The following ASAP2 variants were observed in gnomAD, a reference collection of about 807,000 sequenced individuals.
ASAP2 encodes the protein ArfGAP with SH3 domain, ankyrin repeat and PH domain 2.
ASAP2 carries 45 observed loss-of-function variants against 131.4 expected under a neutral mutation model. The observed-to-expected ratio is 0.34, with a 90% CI of 0.27 to 0.44. ASAP2 has a LOEUF of 0.44. Ranked by LOEUF, ASAP2 falls within the 20% of genes least tolerant of loss-of-function variation. The pLI is 1.00. For synonymous variants in ASAP2, 510 were observed against 503.0 expected (o/e 1.01, Z -0.19); for missense variants, 1,011 against 1,297.0 (o/e 0.78, Z 3.39).
At chr2:9,402,900 T>C (rs1409992076) in intron 27 of ASAP2, among the ~76,000 whole-genome samples, 1 of 152,210 alleles carries the variant, frequency 6.6e-6, no homozygotes, top group Non-Finnish European at 1.5e-5. Context: ...CACAAACTTG[T>C]GACACTCAGT....
intron 1 of ASAP2, among the ~76,000 whole-genome samples, chr2:9,274,514 AG>A (rs1255403124): frequency 3.3e-5 from 5 of 151,756 alleles, no homozygotes; most frequent in Non-Finnish European, 7.4e-5. Context: ...GTAGAATCGG[AG>A]TTTTACCATG....
At chr2:9,226,563 G>A (rs952477236) in intron 1 of ASAP2, among the ~76,000 whole-genome samples, 2 of 152,178 alleles carry the variant, frequency 1.3e-5, no homozygotes, top group East Asian at 1.9e-4. Context: ...TGTGGTAAAG[G>A]GGGAGTTGGG....
At position 9,327,878 on chromosome 2, in the gene ASAP2, A is replaced by C; in HGVS notation, c.653A>C (p.Gln218Pro). ...IKIKKGVDLL[Q>P]NLIKYFHAQC... is the part of the protein sequence containing the mutation. ...ATTAAAAAGGGAGTAGATTTACTTC[A>C]GAATCTGATCAAATACTTTCATGCC... Residue 218 changes from glutamine to proline, a missense_variant, in exon 7 of 28, where the codon CAG becomes CCG. Gln to Pro is a moderately conservative substitution (Grantham distance 76). Coordinates refer to ENST00000281419, the MANE Select transcript of ASAP2 (RefSeq NM_003887.3). The C allele has an allele frequency of 6.3e-7, 1 of 1,584,658 alleles. No homozygotes were observed. Among genetic ancestry groups the C allele is most frequent in the Non-Finnish European group, 8.5e-7 (1 of 1,170,296 alleles).
In ASAP2 at chr2:9,368,533, T is replaced by C; in HGVS notation, c.1556+14T>C. On this transcript the variant is annotated intron_variant, in intron 16 of 27. Coordinates refer to ENST00000281419, the MANE Select transcript of ASAP2 (RefSeq NM_003887.3). ...AGGCAGCGACATGTAAGTATGGGAC[T>C]GGCTATTCTCATTTGCTGAGTAAAG... The C allele has an allele frequency of 6.2e-7, 1 of 1,609,646 alleles. No homozygotes were observed. The highest frequency in any genetic ancestry group is 1.7e-5 in the Admixed American group (1 of 60,018).
chr2:9,236,210 G>C (rs1303541800), intron 1 of ASAP2, among the ~76,000 whole-genome samples: 1 of 152,144 alleles, frequency 6.6e-6, no homozygotes, highest in Non-Finnish European at 1.5e-5. Context: ...TGGTGGGCCT[G>C]AGTCTCTCTG....
rs1221126252 is a variant in ASAP2, at chr2:9,393,690, T to C, written c.2684+43T>C. On this transcript the variant is annotated intron_variant, in intron 24 of 27. Transcript: ENST00000281419. ...AGCTCGGCCATCCGTGCTCCTGCCC[T>C]CTGACCTCACCTGCCCAGGGCTCTG... is the stretch of plus-strand genomic sequence containing the variant. 2.6e-6 allele frequency: 4 copies of C among 1,529,256 alleles called. No homozygotes were observed. The Admixed American group carries it at 6.0e-5, about 23-fold the overall frequency. The allele number at this position is 1,529,256 out of a possible 1,614,324, so 94.7% of individuals were successfully genotyped here. A position where few individuals can be genotyped will look rare whatever the true frequency, so the allele number is the denominator to read the frequency against.
At chr2:9,344,503 T>C in intron 9 of ASAP2, 29 bp from the exon 10 acceptor site, 1 of 1,582,502 alleles carries the variant, frequency 6.3e-7, no homozygotes, top group Non-Finnish European at 8.7e-7. Context: ...CTGGACAAGA[T>C]TAAAAACACA....
chr2:9,314,403 T>C (rs540603575), intron 3 of ASAP2, among the ~76,000 whole-genome samples: 1 of 152,360 alleles, frequency 6.6e-6, no homozygotes, highest in Non-Finnish European at 1.5e-5. Context: ...TTAATAGAAC[T>C]AACATTTTAT....
At chr2:9,240,214 GTC>G (rs1244445695) in intron 1 of ASAP2, among the ~76,000 whole-genome samples, 1 of 144,294 alleles carries the variant, frequency 6.9e-6, no homozygotes, top group Non-Finnish European at 1.5e-5. Flanking sequence ...ATCACGACAT[GTC>G]TCTGTTCATG....
intron 3 of ASAP2, among the ~76,000 whole-genome samples, chr2:9,317,890 C>G (rs1027228684): frequency 6.6e-6 from 1 of 152,168 alleles, no homozygotes; most frequent in Admixed American, 6.5e-5. Context: ...CTCACATACA[C>G]CCTCATGTGC....
intron 3 of ASAP2, among the ~76,000 whole-genome samples, chr2:9,298,980 C>A (rs1261602767): frequency 6.6e-6 from 1 of 152,076 alleles, no homozygotes; most frequent in African/African-American, 2.4e-5. Context: ...CATTAAAAAT[C>A]CAACAGGAAG....
At chr2:9,344,237 A>AG (rs2148603566) in intron 9 of ASAP2, among the ~76,000 whole-genome samples, 1 of 151,612 alleles carries the variant, frequency 6.6e-6, no homozygotes, top group Non-Finnish European at 1.5e-5. Context: ...TGTCACTGTC[A>AG]GGGGGTTAAG....
At chr2:9,288,193 A>G (rs948717738) in intron 2 of ASAP2, among the ~76,000 whole-genome samples, 16 of 152,134 alleles carry the variant, frequency 1.1e-4, no homozygotes, top group African/African-American at 3.9e-4. Context: ...CGCAAACCCA[A>G]CCTACCAAGC....
At chr2:9,243,182 C>T (rs1156361360) in intron 1 of ASAP2, among the ~76,000 whole-genome samples, 1 of 152,174 alleles carries the variant, frequency 6.6e-6, no homozygotes, top group African/African-American at 2.4e-5. Context: ...AACCTCAGCT[C>T]ACTGCAAGCT....
intron 9 of ASAP2, among the ~76,000 whole-genome samples, chr2:9,342,098 C>G (rs1172756157): frequency 6.6e-6 from 1 of 152,198 alleles, no homozygotes; most frequent in Admixed American, 6.5e-5. Context: ...CCTAATTGAT[C>G]TACACATTCA....
intron 3 of ASAP2, among the ~76,000 whole-genome samples, chr2:9,298,598 C>T (rs1044926410): frequency 2.0e-5 from 3 of 152,254 alleles, no homozygotes; most frequent in African/African-American, 7.2e-5. Flanking sequence ...CGCCCTGCCT[C>T]AGCCCCATGC....
intron 1 of ASAP2, among the ~76,000 whole-genome samples, chr2:9,225,872 G>C (rs1190488561): frequency 1.3e-5 from 2 of 152,216 alleles, no homozygotes; most frequent in Non-Finnish European, 2.9e-5. Flanking sequence ...ACCAGGGTTG[G>C]TTGGTGTGTG....
chr2:9,307,798 T>C (rs978938383), intron 3 of ASAP2, among the ~76,000 whole-genome samples: 4 of 152,242 alleles, frequency 2.6e-5, no homozygotes, highest in African/African-American at 9.6e-5. Flanking sequence ...ATCTTTCAGT[T>C]TGTGTTAAAC....
intron 1 of ASAP2, among the ~76,000 whole-genome samples, chr2:9,240,169 C>T (rs577137137): frequency 6.6e-6 from 1 of 152,104 alleles, no homozygotes; most frequent in Admixed American, 6.5e-5. Context: ...CGGTGGATGC[C>T]TGCAGCCAGC....
Sources: allele counts gnomAD v4.1 joint callset (sites outside exome capture counted in the v4.1 genomes callset), GRCh38; gene constraint gnomAD v4.1.1; transcripts MANE v1.5; gene names NCBI Gene and HGNC (gene_info 2026-07-23, HGNC 2026-07-21).